The following SYNPR variants were observed in gnomAD, a reference collection of about 807,000 sequenced individuals.
SYNPR encodes synaptoporin.
SYNPR carries 23 observed loss-of-function variants against 32.9 expected under a neutral mutation model. That is an observed-to-expected ratio of 0.70 (90% CI 0.50 to 0.99). The LOEUF (loss-of-function observed/expected upper bound fraction) is 0.99, where lower values mean the gene tolerates loss of function less well. SYNPR is among the 50% of genes least tolerant of loss of function. The probability of loss-of-function intolerance (pLI) is 0.00; values close to 1 mark genes in which losing one functional copy is unlikely to be tolerated. For synonymous variants in SYNPR, 146 were observed against 135.9 expected (o/e 1.07, Z -0.52); for missense variants, 318 against 349.3 (o/e 0.91, Z 0.71).
At chr3:63,307,926 C>T (rs567199818) in intron 2 of SYNPR, among the ~76,000 whole-genome samples, 11 of 151,730 alleles carry the variant, frequency 7.2e-5, no homozygotes, top group African/African-American at 1.9e-4. Context: ...GAACATAGTT[C>T]GTGGCTTTTA....
chr3:63,202,440 T>C, the SYNPR span, among the ~76,000 whole-genome samples: 1 of 152,080 alleles, frequency 6.6e-6, no homozygotes, highest in East Asian at 1.9e-4. Context: ...GGAAGGGAGA[T>C]TTGAGCTTCA....
chr3:63,227,017 T>G (rs1382278775), upstream of SYNPR, among the ~76,000 whole-genome samples: 1 of 151,604 alleles, frequency 6.6e-6, no homozygotes, highest in Admixed American at 6.6e-5. Context: ...AAAGAAAAAA[T>G]CAAAATAAAA....
At chr3:63,263,610 T>C (rs2086457561) in intron 2 of SYNPR, among the ~76,000 whole-genome samples, 1 of 152,162 alleles carries the variant, frequency 6.6e-6, no homozygotes, top group Admixed American at 6.5e-5. Flanking sequence ...AGAGGATCCA[T>C]TTCCAAGAAG....
chr3:63,610,625 C>A (rs1204500733), intron 5 of SYNPR: 3 of 571,670 alleles, frequency 5.2e-6, no homozygotes, highest in African/African-American at 3.7e-5. Context: ...GCTGACCACA[C>A]TTGTAAATGA....
intron 1 of SYNPR, among the ~76,000 whole-genome samples, chr3:63,248,533 A>G (rs1306211963): frequency 6.6e-6 from 1 of 152,144 alleles, no homozygotes; most frequent in Admixed American, 6.6e-5. Context: ...GATATTTTAG[A>G]TGCTACAGAA....
chr3:63,447,884 G>A (rs1700307639), intron 2 of SYNPR, among the ~76,000 whole-genome samples: 1 of 152,060 alleles, frequency 6.6e-6, no homozygotes, highest in South Asian at 2.1e-4. Context: ...GCTTTGAGTT[G>A]GCCAATCTAA....
rs567659223 is a variant in SYNPR, at chr3:63,345,525, G to A, written c.84+66783G>A. Among the ~76,000 whole-genome samples, 24 of 152,280 alleles carry A rather than the reference G, an allele frequency of 1.6e-4. 1 individual carries two copies. Among genetic ancestry groups the A allele is most frequent in the Non-Finnish European group, 2.5e-4 (17 of 68,020 alleles). On this transcript the variant is annotated intron_variant, in intron 2 of 5. Transcript: ENST00000478300. ...AGGAAGAAAATTGTCATGACAAGAG[G>A]GGTGACCTCCAGTGAGGGGCAGAGC...
chr3:63,460,170 TA>T (rs1297733887), intron 2 of SYNPR, among the ~76,000 whole-genome samples: 2 of 152,096 alleles, frequency 1.3e-5, no homozygotes, highest in African/African-American at 4.8e-5. Flanking sequence ...GCTGTTAGAT[TA>T]AAGGTCATAT....
chr3:63,565,072 T>G (rs566895433), intron 4 of SYNPR, among the ~76,000 whole-genome samples: 1 of 152,328 alleles, frequency 6.6e-6, no homozygotes, highest in Admixed American at 6.5e-5. Context: ...AGCCCCAGTG[T>G]GTCTTTCCTA....
chr3:63,415,275 G>A (rs966529334), intron 2 of SYNPR, among the ~76,000 whole-genome samples: 17 of 152,258 alleles, frequency 1.1e-4, no homozygotes, highest in African/African-American at 3.9e-4. Flanking sequence ...AACCAATCAT[G>A]CTGATAGCAT....
At chr3:63,388,566 G>GTGTGTGTA (rs2088088161) in intron 2 of SYNPR, among the ~76,000 whole-genome samples, 1 of 148,158 alleles carries the variant, frequency 6.7e-6, no homozygotes, top group South Asian at 2.2e-4. Context: ...TTGTGTGTGT[G>GTGTGTGTA]TGTGTGTGTG....
intron 2 of SYNPR, among the ~76,000 whole-genome samples, chr3:63,306,886 C>A (rs1470240879): frequency 6.6e-6 from 1 of 151,768 alleles, no homozygotes; most frequent in Non-Finnish European, 1.5e-5. Flanking sequence ...CAACTGTCAT[C>A]TTTGTATTGT....
At chr3:63,387,573 C>CA (rs760722574) in intron 2 of SYNPR, among the ~76,000 whole-genome samples, 1 of 152,034 alleles carries the variant, frequency 6.6e-6, no homozygotes, top group Non-Finnish European at 1.5e-5. Context: ...GCAGCCAAAA[C>CA]AAAAAATCCT....
In SYNPR at chr3:63,616,078, A is replaced by G. The variant is rs1449550787; in HGVS notation, c.*597A>G. ...TTATGAAAATTTTCTGGTTTGCACC[A>G]TGAATTTGTCAAATGGATATTTATA... On this transcript the variant is annotated 3_prime_UTR_variant, in exon 6 of 6. Coordinates refer to ENST00000478300, the MANE Select transcript of SYNPR (RefSeq NM_001130003.2). 1 of 152,268 alleles carries G rather than the reference A, an allele frequency of 6.6e-6. No homozygotes were observed. Among genetic ancestry groups the G allele is most frequent in the African/African-American group, 2.4e-5 (1 of 41,470 alleles). The allele number at this position is 152,268 out of a possible 1,614,324, so 9.4% of individuals were successfully genotyped here. A position where few individuals can be genotyped will look rare whatever the true frequency, so the allele number is the denominator to read the frequency against.
intron 2 of SYNPR, among the ~76,000 whole-genome samples, chr3:63,391,666 T>C (rs2088138430): frequency 6.6e-6 from 1 of 152,108 alleles, no homozygotes; most frequent in Non-Finnish European, 1.5e-5. Context: ...GACAACCCTA[T>C]AAGATTGGCA....
intron 3 of SYNPR, among the ~76,000 whole-genome samples, chr3:63,555,989 G>T (rs1187946740): frequency 6.6e-6 from 1 of 152,234 alleles, no homozygotes; most frequent in Non-Finnish European, 1.5e-5. Context: ...GAGATGTTGA[G>T]CTGATGTCTG....
chr3:63,400,764 G>A (rs2088280237), intron 2 of SYNPR, among the ~76,000 whole-genome samples: 1 of 152,170 alleles, frequency 6.6e-6, no homozygotes, highest in African/African-American at 2.4e-5. Flanking sequence ...CCCACCACAG[G>A]CAAGTACTAG....
At chr3:63,367,134 C>T (rs1412513252) in intron 2 of SYNPR, among the ~76,000 whole-genome samples, 3 of 152,162 alleles carry the variant, frequency 2.0e-5, no homozygotes, top group African/African-American at 7.2e-5. Flanking sequence ...GGGTTACAAA[C>T]TCCCCAGCAA....
intron 2 of SYNPR, among the ~76,000 whole-genome samples, chr3:63,467,111 C>A (rs912378448): frequency 6.6e-6 from 1 of 152,128 alleles, no homozygotes; most frequent in Admixed American, 6.5e-5. Context: ...CTCAGGCTCA[C>A]GTCATCCTCC....
Sources: gnomAD v4.1 joint callset for allele counts (sites outside exome capture counted in the v4.1 genomes callset) on GRCh38, gnomAD v4.1.1 for gene constraint, MANE v1.5 for transcripts, NCBI Gene and HGNC (gene_info 2026-07-23, HGNC 2026-07-21) for gene names.